FOCAD: variants seen among roughly 807,000 people sequenced by gnomAD.
The protein encoded by FOCAD is focadhesin.
A neutral mutation model predicts 225.6 loss-of-function variants in FOCAD; 198 were observed. The observed-to-expected ratio is 0.88, with a 90% CI of 0.78 to 0.99. The LOEUF (loss-of-function observed/expected upper bound fraction) is 0.99. Among genes scored for constraint, FOCAD ranks in the 50% least tolerant of loss-of-function variants. The pLI is 0.00. For synonymous variants in FOCAD, 897 were observed against 755.0 expected (o/e 1.19, Z -3.08); for missense variants, 2,713 against 2,123.6 (o/e 1.28, Z -5.46).
In FOCAD at chr9:20,765,053, G is replaced by C. The variant is rs1377338611; in HGVS notation, c.679G>C (p.Asp227His). Residue 227 changes from aspartate to histidine, a missense_variant, in exon 7 of 44, where the codon GAC becomes CAC. Coordinates refer to ENST00000338382, the MANE Select transcript of FOCAD (RefSeq NM_001375567.1). ...ACAGCAGATACTTCAACTGTGTTGT[G>C]ACATAGTTCCATGTTTGCAGGTAAG... Reference protein sequence around the residue: ...LEQQILQLCCDIVPCLQVKDL... With the variant: ...LEQQILQLCCHIVPCLQVKDL... 6.2e-7 allele frequency: 1 copy of C among 1,613,486 alleles called. No individual in the cohort carries two copies. The highest frequency in any genetic ancestry group is 8.5e-7 in the Non-Finnish European group (1 of 1,179,712).
At chr9:20,777,302 G>A (rs62557532) in intron 8 of FOCAD, among the ~76,000 whole-genome samples, 10 of 113,518 alleles carry the variant, frequency 8.8e-5, no homozygotes, top group African/African-American at 3.2e-4. Flanking sequence ...TTTTTCCTGT[G>A]GGTTTTTTTT....
intron 22 of FOCAD, among the ~76,000 whole-genome samples, chr9:20,909,347 A>G (rs1297277690): frequency 6.6e-6 from 1 of 152,092 alleles, no homozygotes; most frequent in African/African-American, 2.4e-5. Flanking sequence ...ACAAGCACTA[A>G]ATGAAAATAC....
chr9:20,898,775 C>CT (rs1328756780), intron 21 of FOCAD, among the ~76,000 whole-genome samples: 1 of 151,758 alleles, frequency 6.6e-6, no homozygotes, highest in Non-Finnish European at 1.5e-5. Flanking sequence ...TTTAGTCTTC[C>CT]TTGTAGTTGT....
chr9:20,751,313 C>G (rs1277282767), intron 5 of FOCAD, among the ~76,000 whole-genome samples: 2 of 106,502 alleles, frequency 1.9e-5, no homozygotes, highest in African/African-American at 3.6e-5. Flanking sequence ...CTCCCCCCTC[C>G]CCCCACCCCA....
chr9:20,849,299 A>G (rs546731146), intron 15 of FOCAD, among the ~76,000 whole-genome samples: 25 of 151,590 alleles, frequency 1.6e-4, no homozygotes, highest in Middle Eastern at 3.4e-3. Flanking sequence ...TATTTTCCAC[A>G]GCATGTGGAC....
intron 11 of FOCAD, among the ~76,000 whole-genome samples, chr9:20,790,844 C>T (rs1375097527): frequency 6.6e-6 from 1 of 152,170 alleles, no homozygotes; most frequent in African/African-American, 2.4e-5. Context: ...TTGTCATACT[C>T]ATTCCTTTTT....
intron 8 of FOCAD, among the ~76,000 whole-genome samples, chr9:20,774,075 G>A (rs1182951705): frequency 6.6e-6 from 1 of 152,172 alleles, no homozygotes; most frequent in Admixed American, 6.5e-5. Flanking sequence ...TAGGTTGTGT[G>A]CTCCTTATAA....
Position 20,952,983 on chromosome 9 carries a change from A to G in FOCAD, c.4052-2A>G. The G allele has an allele frequency of 6.2e-7, 1 of 1,612,484 alleles. No homozygotes were observed. Among genetic ancestry groups the G allele is most frequent in the Non-Finnish European group, 8.5e-7 (1 of 1,178,872 alleles). ...TAATTTGATCATTTTCTGTCTCCAC[A>G]GTTCCTACTGACTATAGCTACTTGC... On this transcript the variant is annotated splice_acceptor_variant, in intron 34 of 43. Coordinates refer to ENST00000338382, the MANE Select transcript of FOCAD (RefSeq NM_001375567.1). LOFTEE classifies it high-confidence loss of function.
rs577832007 is a variant in FOCAD at position 20,980,067 on chromosome 9, A to G, written c.4378-1359A>G. Among the ~76,000 whole-genome samples the G allele has an allele frequency of 5.9e-5, 9 of 152,146 alleles. No homozygotes were observed. In the East Asian group the frequency reaches 1.3e-3, roughly 23 times the overall value. ...CAGCTTCAGACCCAAGCCACCACCA[A>G]TCTGCTTTCTATTTGTAGTATTGCC... On this transcript the variant is annotated intron_variant, in intron 37 of 43. Transcript: ENST00000338382.
chr9:20,827,343 T>C (rs966414889), intron 15 of FOCAD, among the ~76,000 whole-genome samples: 3 of 152,140 alleles, frequency 2.0e-5, no homozygotes, highest in Non-Finnish European at 4.4e-5. Flanking sequence ...TCAACATATT[T>C]TCAAGGTTCA....
intron 4 of FOCAD, among the ~76,000 whole-genome samples, chr9:20,724,983 A>G (rs1826073823): frequency 6.6e-6 from 1 of 152,194 alleles, no homozygotes; most frequent in South Asian, 2.1e-4. Context: ...AGCTTGGCCA[A>G]CAAAGTGTAA....
chr9:20,961,624 A>G (rs1000975298), intron 35 of FOCAD, among the ~76,000 whole-genome samples: 1 of 152,138 alleles, frequency 6.6e-6, no homozygotes, highest in Non-Finnish European at 1.5e-5. Flanking sequence ...ATTTAGCTAT[A>G]TATGTAATAA....
chr9:20,873,476 G>C (rs77431569), intron 18 of FOCAD, among the ~76,000 whole-genome samples: 37 of 152,256 alleles, frequency 2.4e-4, no homozygotes, highest in African/African-American at 8.4e-4. Context: ...TTCGACAGAC[G>C]CTTTCATACC....
intron 29 of FOCAD, 72 bp downstream of exon 29, chr9:20,944,846 T>A: frequency 6.9e-7 from 1 of 1,456,548 alleles, no homozygotes; most frequent in Non-Finnish European, 9.2e-7. Flanking sequence ...ATTTTGGACT[T>A]ACCATATTTT....
chr9:20,797,782 C>G (rs565010737), intron 11 of FOCAD, among the ~76,000 whole-genome samples: 10 of 152,054 alleles, frequency 6.6e-5, no homozygotes, highest in Non-Finnish European at 1.3e-4. Context: ...TACAATCATG[C>G]CATCTGCAAA....
intron 5 of FOCAD, among the ~76,000 whole-genome samples, chr9:20,745,002 T>C (rs1490829245): frequency 6.6e-6 from 1 of 152,190 alleles, no homozygotes; most frequent in Non-Finnish European, 1.5e-5. Flanking sequence ...CTATGTAGTA[T>C]CCTTTAGTTC....
intron 25 of FOCAD, among the ~76,000 whole-genome samples, chr9:20,925,322 C>A (rs1249275144): frequency 6.6e-6 from 1 of 152,112 alleles, no homozygotes; most frequent in East Asian, 1.9e-4. Flanking sequence ...TTTTGTTGAA[C>A]TACCAGTTAT....
chr9:20,861,569 ACT>A (rs1473973072), intron 15 of FOCAD, among the ~76,000 whole-genome samples: 1 of 152,044 alleles, frequency 6.6e-6, no homozygotes, highest in Admixed American at 6.5e-5. Flanking sequence ...TCTCAGAAAT[ACT>A]CTGTCTACTG....
chr9:20,803,354 A>G (rs916943116), intron 11 of FOCAD, among the ~76,000 whole-genome samples: 40 of 152,180 alleles, frequency 2.6e-4, no homozygotes, highest in Admixed American at 2.5e-3. Context: ...CTTAATGTGT[A>G]TCCCCCTTGT....
Sources: gnomAD v4.1 joint callset for allele counts (sites outside exome capture counted in the v4.1 genomes callset) on GRCh38, gnomAD v4.1.1 for gene constraint, MANE v1.5 for transcripts, NCBI Gene and HGNC (gene_info 2026-07-23, HGNC 2026-07-21) for gene names.